The following FBXW4 variants were observed in gnomAD, a reference collection of about 807,000 sequenced individuals.
FBXW4 encodes F-box and WD repeat domain containing 4.
FBXW4 carries 40 observed loss-of-function variants against 61.8 expected under a neutral mutation model. The ratio of observed to expected loss-of-function variants is 0.65; its 90% CI spans 0.50 to 0.84. The LOEUF is 0.84. FBXW4 is among the 40% of genes least tolerant of loss of function. The probability of loss-of-function intolerance (pLI) is 0.00; values close to 1 mark genes in which losing one functional copy is unlikely to be tolerated. For missense variants in FBXW4, 672 were observed against 753.8 expected, an observed-to-expected ratio of 0.89 and a Z score of 1.27; for synonymous variants, 311 against 313.8, an observed-to-expected ratio of 0.99 and a Z score of 0.10.
chr10:101,637,875 G>A (rs866464891), intron 5 of FBXW4, among the ~76,000 whole-genome samples: 13 of 151,978 alleles, frequency 8.6e-5, no homozygotes, highest in Non-Finnish European at 1.2e-4. Context: ...AGTCGACCCC[G>A]TAATCACTAT....
At chr10:101,653,843 C>T (rs1381222296) in intron 5 of FBXW4, among the ~76,000 whole-genome samples, 2 of 152,162 alleles carry the variant, frequency 1.3e-5, no homozygotes, top group Non-Finnish European at 2.9e-5. Flanking sequence ...GCACTCGGGG[C>T]CAGGCGCAGT....
chr10:101,613,952 G>C (rs2063807616), intron 6 of FBXW4, among the ~76,000 whole-genome samples: 1 of 152,204 alleles, frequency 6.6e-6, no homozygotes, highest in Admixed American at 6.5e-5. Context: ...CTCCTGAGAG[G>C]GATCAGGCAG....
At chr10:101,651,989 C>T (rs932344183) in intron 5 of FBXW4, among the ~76,000 whole-genome samples, 4 of 151,964 alleles carry the variant, frequency 2.6e-5, no homozygotes, top group Non-Finnish European at 4.4e-5. Context: ...AAAGATTCAC[C>T]GGCCCTTTCA....
At chr10:101,678,765 C>A (rs1435161936) in intron 1 of FBXW4, among the ~76,000 whole-genome samples, 6 of 152,182 alleles carry the variant, frequency 3.9e-5, no homozygotes, top group Admixed American at 3.9e-4. Context: ...CTTATACCGT[C>A]ACATTTGCCA....
chr10:101,610,876 A>T lies in FBXW4; in HGVS notation c.*415T>A, dbSNP rs2063774617. The T allele has an allele frequency of 6.4e-6, 1 of 156,292 alleles. No homozygotes were observed. The highest frequency in any genetic ancestry group is 1.4e-5 in the Non-Finnish European group (1 of 70,650). The allele number at this position is 156,292 out of a possible 1,614,324, so 9.7% of individuals were successfully genotyped here. ...AGGGTGAGGTCTGGCTGGTGCCAGG[A>T]GGCTATTGGCAGCCTCACCTTTCCT... On this transcript the variant is annotated 3_prime_UTR_variant, in exon 9 of 9. Transcript: ENST00000331272.
At position 101,611,619 on chromosome 10, in the gene FBXW4, G is replaced by A. The variant is rs1307093398; in HGVS notation, c.1584+9C>T. On this transcript the variant is annotated intron_variant, in intron 8 of 8. Transcript: ENST00000331272. This position sits in a 1 kb window ranked among gnomAD's most constrained non-coding sequence, Gnocchi z 4.9. ...GGCATGCTGGAGAAGAGGTGGGCAG[G>A]ACACTTACGTGCAGGCAGGCCCTTT... The A allele has an allele frequency of 1.2e-6, 2 of 1,613,856 alleles. No homozygotes were observed. The highest frequency in any genetic ancestry group is 2.2e-5 in the East Asian group (1 of 44,878).
intron 6 of FBXW4, among the ~76,000 whole-genome samples, chr10:101,624,286 A>G (rs1037916279): frequency 3.3e-5 from 5 of 150,552 alleles, no homozygotes; most frequent in Non-Finnish European, 7.4e-5. Context: ...AAAAAAAAAA[A>G]CCAGAATGGC....
intron 5 of FBXW4, among the ~76,000 whole-genome samples, chr10:101,629,987 C>T (rs538281163): frequency 1.3e-5 from 2 of 152,316 alleles, no homozygotes; most frequent in East Asian, 3.9e-4. Flanking sequence ...CAGGCCCCAG[C>T]AGCCTCTGAG....
At chr10:101,665,613 A>G (rs2064290860) in intron 5 of FBXW4, among the ~76,000 whole-genome samples, 1 of 152,226 alleles carries the variant, frequency 6.6e-6, no homozygotes, top group Admixed American at 6.5e-5. Flanking sequence ...GTCATGTAGT[A>G]GCAGTAATAA....
intron 6 of FBXW4, among the ~76,000 whole-genome samples, chr10:101,615,170 C>G (rs2134800637): frequency 6.6e-6 from 1 of 152,286 alleles, no homozygotes; most frequent in East Asian, 1.9e-4. Context: ...TGCTTCTCGG[C>G]CTCTCACTGT....
chr10:101,628,839 T>C (rs75702040), intron 5 of FBXW4, among the ~76,000 whole-genome samples: 1 of 152,314 alleles, frequency 6.6e-6, no homozygotes, highest in East Asian at 1.9e-4. Context: ...CATAAGCTCT[T>C]TTTGGAACAG....
intron 5 of FBXW4, among the ~76,000 whole-genome samples, chr10:101,662,248 G>A (rs1448949761): frequency 1.3e-5 from 2 of 152,066 alleles, no homozygotes; most frequent in Admixed American, 1.3e-4. Context: ...TAGCTACTGG[G>A]AACAAACACC....
At chr10:101,619,455 G>A (rs1285688995) in intron 6 of FBXW4, among the ~76,000 whole-genome samples, 2 of 151,982 alleles carry the variant, frequency 1.3e-5, no homozygotes, top group South Asian at 2.1e-4. Flanking sequence ...TCAGGAGATC[G>A]AGACCATCCT....
intron 5 of FBXW4, among the ~76,000 whole-genome samples, chr10:101,649,272 T>A (rs550573868): frequency 5.2e-4 from 79 of 152,108 alleles, no homozygotes; most frequent in African/African-American, 1.7e-3. Context: ...GATGTGCCAT[T>A]GCCCTCCCAG....
intron 6 of FBXW4, among the ~76,000 whole-genome samples, chr10:101,620,080 C>T (rs565753063): frequency 6.6e-6 from 1 of 152,292 alleles, no homozygotes; most frequent in South Asian, 2.1e-4. Flanking sequence ...TCTGCCCAAG[C>T]CCCAGCACAT....
In FBXW4 at chr10:101,676,453, C is replaced by T. The variant is rs913064612; in HGVS notation, c.726-17G>A. The T allele has an allele frequency of 1.9e-6, 3 of 1,600,914 alleles. No individual in the cohort carries two copies. Among genetic ancestry groups the T allele is most frequent in the South Asian group, 1.1e-5 (1 of 90,392 alleles). On this transcript the variant is annotated splice_polypyrimidine_tract_variant and intron_variant, in intron 1 of 8. Coordinates refer to ENST00000331272, the MANE Select transcript of FBXW4 (RefSeq NM_022039.4). ...CTGGTCATCCTATGTCCAGACAGAA[C>T]AGATAATCCAATCACTACAACTTAT...
chr10:101,644,932 C>T (rs2064083103), intron 5 of FBXW4, among the ~76,000 whole-genome samples: 1 of 152,192 alleles, frequency 6.6e-6, no homozygotes, highest in Non-Finnish European at 1.5e-5. Flanking sequence ...TATTCAGGGG[C>T]AATCATGGCC....
chr10:101,649,620 C>T (rs577927702), intron 5 of FBXW4, among the ~76,000 whole-genome samples: 1 of 152,320 alleles, frequency 6.6e-6, no homozygotes, highest in Admixed American at 6.5e-5. Flanking sequence ...GGGATTTAGG[C>T]CCCTCAAAGA....
intron 5 of FBXW4, chr10:101,626,747 G>GA (rs1337054072): frequency 2.6e-5 from 4 of 152,416 alleles, no homozygotes; most frequent in Non-Finnish European, 5.9e-5. Flanking sequence ...CTTGGCCTCC[G>GA]AAAGTGCTGG....
Sources: gnomAD v4.1 joint callset for allele counts (sites outside exome capture counted in the v4.1 genomes callset) on GRCh38, gnomAD v4.1.1 for gene constraint, Gnocchi (gnomAD v3.1) non-coding constraint, MANE v1.5 for transcripts, NCBI Gene and HGNC (gene_info 2026-07-23, HGNC 2026-07-21) for gene names.